The following ATRNL1 variants were observed in gnomAD, a reference collection of about 807,000 sequenced individuals.
ATRNL1 encodes the protein attractin-like protein 1.
In ATRNL1, 95 loss-of-function variants were observed where a neutral mutation model predicts 182.7. The ratio of observed to expected loss-of-function variants is 0.52; its 90% CI spans 0.44 to 0.62. The LOEUF (loss-of-function observed/expected upper bound fraction) is 0.62, where lower values mean the gene tolerates loss of function less well. Ranked by LOEUF, ATRNL1 falls within the 20% of genes least tolerant of loss-of-function variation. The probability of loss-of-function intolerance (pLI) is 0.00; values close to 1 mark genes in which losing one functional copy is unlikely to be tolerated. For synonymous variants in ATRNL1, 576 were observed against 568.3 expected (o/e 1.01, Z -0.19); for missense variants, 1,471 against 1,679.5 (o/e 0.88, Z 2.17).
intron 21 of ATRNL1, among the ~76,000 whole-genome samples, chr10:115,429,447 C>A (rs1416165776): frequency 6.6e-6 from 1 of 151,948 alleles, no homozygotes; most frequent in Admixed American, 6.6e-5. Context: ...TAATAGATAT[C>A]CTTATCAGGT....
In ATRNL1 at chr10:115,647,788, G is replaced by A. The variant is rs547263677; in HGVS notation, c.3796-79460G>A. On this transcript the variant is annotated intron_variant, in intron 26 of 28. Transcript: ENST00000355044. The stretch of plus-strand genomic sequence containing the variant: ...TGATAATAGTTTCTTTTGCTCTGCA[G>A]AAGTTCTTTAATTAGATCCCATTTG... Among the ~76,000 whole-genome samples the A allele has an allele frequency of 3.3e-5, 5 of 152,216 alleles. No individual in the cohort carries two copies. The East Asian group carries it at 9.7e-4, about 29-fold the overall frequency.
intron 14 of ATRNL1, 138 bp downstream of exon 14, chr10:115,281,625 A>G (rs1206649800): frequency 6.2e-6 from 5 of 809,694 alleles, no homozygotes; most frequent in Non-Finnish European, 9.3e-6. Context: ...TGTAGTACTA[A>G]TAACACTGTT....
At chr10:115,300,501 A>G (rs1315659007) in intron 16 of ATRNL1, among the ~76,000 whole-genome samples, 2 of 152,178 alleles carry the variant, frequency 1.3e-5, no homozygotes, top group Non-Finnish European at 2.9e-5. Context: ...ACAATAATCT[A>G]TTCTTAATTC....
chr10:115,677,286 A>G (rs1555043343), intron 26 of ATRNL1, among the ~76,000 whole-genome samples: 2 of 151,982 alleles, frequency 1.3e-5, no homozygotes, highest in African/African-American at 4.8e-5. Flanking sequence ...CATAAGCTTT[A>G]TTTTGCTAAC....
intron 26 of ATRNL1, among the ~76,000 whole-genome samples, chr10:115,563,077 C>G (rs993469071): frequency 6.6e-6 from 1 of 152,056 alleles, no homozygotes; most frequent in Non-Finnish European, 1.5e-5. Flanking sequence ...AAGAACATAC[C>G]TGAGGCTGGG....
intron 25 of ATRNL1, among the ~76,000 whole-genome samples, chr10:115,539,976 G>A (rs1852256785): frequency 1.6e-5 from 2 of 125,460 alleles, no homozygotes; most frequent in Non-Finnish European, 1.6e-5. Context: ...CCCATCAAAT[G>A]TTATGGGGTG....
chr10:115,310,530 G>A (rs1853963857), intron 17 of ATRNL1, among the ~76,000 whole-genome samples: 1 of 151,970 alleles, frequency 6.6e-6, no homozygotes, highest in African/African-American at 2.4e-5. Flanking sequence ...GATCTGTTCA[G>A]GATTTTGATT....
At chr10:115,608,771 A>G (rs1167031142) in intron 26 of ATRNL1, among the ~76,000 whole-genome samples, 1 of 152,098 alleles carries the variant, frequency 6.6e-6, no homozygotes, top group African/African-American at 2.4e-5. Context: ...AAGAGTACCA[A>G]CAGATTAAAG....
chr10:115,355,176 C>T (rs970266311), intron 19 of ATRNL1, among the ~76,000 whole-genome samples: 1 of 152,074 alleles, frequency 6.6e-6, no homozygotes, highest in Non-Finnish European at 1.5e-5. Flanking sequence ...GTAATGTTTT[C>T]CTGAATGCTC....
At chr10:115,179,260 C>G (rs900021657) in intron 8 of ATRNL1, among the ~76,000 whole-genome samples, 11 of 152,128 alleles carry the variant, frequency 7.2e-5, no homozygotes, top group African/African-American at 2.7e-4. Flanking sequence ...TCCATGCCCT[C>G]TGGCTTCCAG....
At chr10:115,577,291 T>A (rs1171573693) in intron 26 of ATRNL1, among the ~76,000 whole-genome samples, 1 of 151,888 alleles carries the variant, frequency 6.6e-6, no homozygotes, top group Non-Finnish European at 1.5e-5. Flanking sequence ...ATAGGGATTA[T>A]GTTGAATCTG....
chr10:115,945,863 C>A lies in ATRNL1; in HGVS notation c.*1084C>A, dbSNP rs1214675536. 1 of 152,214 alleles carries A rather than the reference C, an allele frequency of 6.6e-6. No individual in the cohort carries two copies. The highest frequency in any genetic ancestry group is 2.1e-4 in the South Asian group (1 of 4,834). The allele number at this position is 152,214 out of a possible 1,614,324, so 9.4% of individuals were successfully genotyped here. ...GCATCAACAGGAGTCTTCTTCCCAA[C>A]ACGAGCGCATCCATGTCCTGAGAAA... On this transcript the variant is annotated 3_prime_UTR_variant, in exon 29 of 29. Transcript: ENST00000355044.
At chr10:115,715,252 G>C (rs10885786) in intron 26 of ATRNL1, among the ~76,000 whole-genome samples, 56,827 of 152,016 alleles carry the variant, frequency 0.37, 11,481 homozygotes, top group East Asian at 0.59. Flanking sequence ...GTCAAGTTTT[G>C]GGTAAGTTTT....
At chr10:115,778,259 C>A (rs568692866) in intron 27 of ATRNL1, among the ~76,000 whole-genome samples, 1 of 152,012 alleles carries the variant, frequency 6.6e-6, no homozygotes, top group African/African-American at 2.4e-5. Flanking sequence ...GTAACAATAA[C>A]AAGAGCTATC....
At chr10:115,362,698 G>T (rs1339327242) in intron 19 of ATRNL1, among the ~76,000 whole-genome samples, 2 of 151,880 alleles carry the variant, frequency 1.3e-5, no homozygotes, top group Admixed American at 1.3e-4. Context: ...AGTCCCCAGA[G>T]TGTGATATTC....
chr10:115,765,041 G>A (rs782272840), intron 27 of ATRNL1, among the ~76,000 whole-genome samples: 26 of 152,194 alleles, frequency 1.7e-4, no homozygotes, highest in Middle Eastern at 6.8e-3. Context: ...CCCATTGTCT[G>A]GATATATCAC....
intron 26 of ATRNL1, among the ~76,000 whole-genome samples, chr10:115,691,192 C>T (rs1419443710): frequency 6.6e-6 from 1 of 152,156 alleles, no homozygotes; most frequent in Non-Finnish European, 1.5e-5. Flanking sequence ...CCTTCAGGAA[C>T]TTCCATAGTG....
At chr10:115,584,484 G>A (rs1555009130) in intron 26 of ATRNL1, among the ~76,000 whole-genome samples, 13 of 140,896 alleles carry the variant, frequency 9.2e-5, no homozygotes, top group Middle Eastern at 3.5e-3. Context: ...TTGGGAGAGT[G>A]TATGTATCGA....
intron 26 of ATRNL1, among the ~76,000 whole-genome samples, chr10:115,574,973 G>A (rs1459359693): frequency 1.3e-5 from 2 of 152,166 alleles, no homozygotes. Context: ...TTTTAGGTCT[G>A]ACTCTTAATG....
Sources: allele counts gnomAD v4.1 joint callset (sites outside exome capture counted in the v4.1 genomes callset), GRCh38; gene constraint gnomAD v4.1.1; transcripts MANE v1.5; gene names NCBI Gene and HGNC (gene_info 2026-07-23, HGNC 2026-07-21).